Variants in RPS6KC1 observed in about 807,000 individuals in gnomAD.
The protein encoded by RPS6KC1 is inactive ribosomal protein S6 kinase delta-1.
RPS6KC1 carries 54 observed loss-of-function variants against 103.8 expected under a neutral mutation model. That is an observed-to-expected ratio of 0.52 (90% CI 0.42 to 0.65). The LOEUF is 0.65. RPS6KC1 is among the 30% of genes least tolerant of loss of function. The pLI is 0.00. For missense variants in RPS6KC1, 1,151 were observed against 1,253.8 expected (o/e 0.92, Z 1.24); for synonymous variants, 439 against 438.7 (o/e 1.00, Z -0.01).
At chr1:213,628,125 C>A in the RPS6KC1 span, among the ~76,000 whole-genome samples, 3 of 152,116 alleles carry the variant, frequency 2.0e-5, no homozygotes, top group African/African-American at 7.2e-5. Flanking sequence ...TTCAGAGGTT[C>A]AAGTTCTTCC....
At chr1:213,741,153 G>T in the RPS6KC1 span, among the ~76,000 whole-genome samples, 1 of 150,972 alleles carries the variant, frequency 6.6e-6, no homozygotes, top group South Asian at 2.1e-4. Context: ...ATTATTTATG[G>T]GGTACTACGT....
chr1:213,385,379 G>A, the RPS6KC1 span, among the ~76,000 whole-genome samples: 7 of 152,106 alleles, frequency 4.6e-5, no homozygotes, highest in Non-Finnish European at 8.8e-5. Flanking sequence ...ACTTGCCCAG[G>A]GCCACACAGC....
intron 1 of RPS6KC1, among the ~76,000 whole-genome samples, chr1:213,070,223 C>A (rs1344065262): frequency 6.6e-6 from 1 of 152,042 alleles, no homozygotes; most frequent in Non-Finnish European, 1.5e-5. Context: ...AGGGAGATCC[C>A]TTGTACACTT....
intron 8 of RPS6KC1, among the ~76,000 whole-genome samples, chr1:213,183,651 A>T (rs1270099886): frequency 1.3e-5 from 2 of 152,170 alleles, no homozygotes; most frequent in East Asian, 3.9e-4. Context: ...CAGCTAAGCC[A>T]GTGTTCAGAG....
At chr1:213,267,199 A>T (rs1225172734) in intron 14 of RPS6KC1, among the ~76,000 whole-genome samples, 2 of 151,974 alleles carry the variant, frequency 1.3e-5, no homozygotes, top group Non-Finnish European at 1.5e-5. Context: ...AGAAGCTTGA[A>T]GGGCTGAGAT....
At chr1:213,369,539 C>T in the RPS6KC1 span, among the ~76,000 whole-genome samples, 4 of 152,212 alleles carry the variant, frequency 2.6e-5, no homozygotes, top group Non-Finnish European at 5.9e-5. Flanking sequence ...CCTAGCATGC[C>T]GGGATACTGG....
At chr1:213,546,659 T>A in the RPS6KC1 span, among the ~76,000 whole-genome samples, 84,843 of 151,368 alleles carry the variant, frequency 0.56, 25,897 homozygotes, top group East Asian at 0.83. Context: ...TGCATTATTT[T>A]AAAAAAAAAT....
At chr1:213,435,307 G>A in the RPS6KC1 span, among the ~76,000 whole-genome samples, 2 of 152,062 alleles carry the variant, frequency 1.3e-5, no homozygotes, top group African/African-American at 4.8e-5. Context: ...GTTCTTGTCT[G>A]CTAATTCTAA....
At chr1:213,294,457 A>G in the RPS6KC1 span, among the ~76,000 whole-genome samples, 1 of 152,180 alleles carries the variant, frequency 6.6e-6, no homozygotes, top group African/African-American at 2.4e-5. Context: ...CTCATTGGCA[A>G]TGACTCCTAT....
chr1:213,368,914 A>C, the RPS6KC1 span, among the ~76,000 whole-genome samples: 1 of 152,228 alleles, frequency 6.6e-6, no homozygotes, highest in Non-Finnish European at 1.5e-5. Flanking sequence ...AATATGTAGT[A>C]TCTCCAAATC....
chr1:213,702,885 A>G, the RPS6KC1 span, among the ~76,000 whole-genome samples: 1 of 150,422 alleles, frequency 6.6e-6, no homozygotes, highest in Non-Finnish European at 1.5e-5. Context: ...AACCCATTCA[A>G]CTACTTTATG....
intron 8 of RPS6KC1, among the ~76,000 whole-genome samples, chr1:213,193,129 C>T (rs1303101923): frequency 6.6e-6 from 1 of 151,558 alleles, no homozygotes. Context: ...TATGGTCTGT[C>T]CTTGAAAATG....
chr1:213,636,802 A>G, the RPS6KC1 span, among the ~76,000 whole-genome samples: 1 of 152,234 alleles, frequency 6.6e-6, no homozygotes, highest in Non-Finnish European at 1.5e-5. Flanking sequence ...GCACAGCAAA[A>G]GAAACTACCA....
chr1:213,448,621 A>T, the RPS6KC1 span, among the ~76,000 whole-genome samples: 1 of 152,096 alleles, frequency 6.6e-6, no homozygotes, highest in Non-Finnish European at 1.5e-5. Flanking sequence ...CGCAAGCCAG[A>T]GCATGAGTCT....
the RPS6KC1 span, chr1:213,818,103 G>C: frequency 6.6e-6 from 1 of 151,600 alleles, no homozygotes; most frequent in Non-Finnish European, 1.5e-5. Flanking sequence ...CTGTTTTCCC[G>C]TCTCTCTCTC....
the RPS6KC1 span, among the ~76,000 whole-genome samples, chr1:213,370,295 G>A: frequency 7.8e-6 from 1 of 128,142 alleles, no homozygotes; most frequent in African/African-American, 3.8e-5. Context: ...TTTTTTGCAT[G>A]TATCTTGTCT....
chr1:213,652,138 T>C, the RPS6KC1 span, among the ~76,000 whole-genome samples: 1 of 152,240 alleles, frequency 6.6e-6, no homozygotes, highest in Non-Finnish European at 1.5e-5. Context: ...TCTTTTTGTG[T>C]AATTTATTGA....
chr1:213,353,126 C>A, the RPS6KC1 span, among the ~76,000 whole-genome samples: 1 of 152,206 alleles, frequency 6.6e-6, no homozygotes, highest in Non-Finnish European at 1.5e-5. Context: ...TCTCCACCAG[C>A]TATAATGTCA....
Position 213,051,347 on chromosome 1 carries a change from C to T in RPS6KC1, c.-58C>T, listed in dbSNP as rs2076925369. 1.1e-5 allele frequency: 15 copies of T among 1,377,730 alleles called. No individual in the cohort carries two copies. The highest frequency in any genetic ancestry group is 1.4e-5 in the Non-Finnish European group (14 of 973,550). The allele number at this position is 1,377,730 out of a possible 1,614,324, so 85.3% of individuals were successfully genotyped here. A position where few individuals can be genotyped will look rare whatever the true frequency, so the allele number is the denominator to read the frequency against. ...CGTTGGGGAACCTGGACCGCGGCGG[C>T]GCCGGGTTTCCCTCATGATCCCGGG... On this transcript the variant is annotated 5_prime_UTR_variant, in exon 1 of 15. Transcript: ENST00000366960.
Sources: allele counts gnomAD v4.1 joint callset (sites outside exome capture counted in the v4.1 genomes callset), GRCh38; gene constraint gnomAD v4.1.1; transcripts MANE v1.5; gene names NCBI Gene and HGNC (gene_info 2026-07-23, HGNC 2026-07-21).